Variants in PLIN4 observed in about 807,000 individuals in gnomAD.
PLIN4 encodes the protein perilipin-4.
A neutral mutation model predicts 52.4 loss-of-function variants in PLIN4; 57 were observed. That is an observed-to-expected ratio of 1.09 (90% CI 0.88 to 1.36). The LOEUF is 1.36. PLIN4 is among the 40% of genes most tolerant of loss of function. The pLI, the probability that PLIN4 is intolerant of heterozygous loss-of-function variation, is 0.00. For synonymous variants in PLIN4, 826 were observed against 785.4 expected (o/e 1.05, Z -0.86); for missense variants, 1,757 against 1,770.3 (o/e 0.99, Z 0.13).
chr19:4,517,839 G>T, intron 2 of PLIN4, 141 bp from the exon 3 acceptor site: 1 of 1,147,938 alleles, frequency 8.7e-7, no homozygotes, highest in Non-Finnish European at 1.2e-6. Flanking sequence ...CAGCCACTCA[G>T]CCTCAATTTC....
rs760610885 is a variant in PLIN4, at chr19:4,513,632, CCCCGGAGGA to C, written c.319_327del (p.Ser107_Gly109del). 1 of 1,609,204 alleles carries C rather than the reference CCCCGGAGGA, an allele frequency of 6.2e-7. No homozygotes were observed. The highest frequency in any genetic ancestry group is 1.7e-5 in the Admixed American group (1 of 59,388). Reference sequence around the variant, plus strand: ...TTAGCCACGTCCACCACGCTGGCCACCCCGGAGGACACGGCATCCTTGGCCCTGGACATC... The same window carrying C: ...TTAGCCACGTCCACCACGCTGGCCACCACGGCATCCTTGGCCCTGGACATC... On this transcript the variant is annotated inframe_deletion, in exon 5 of 8. Transcript: ENST00000301286.
intron 4 of PLIN4, among the ~76,000 whole-genome samples, chr19:4,516,371 C>T (rs544737374): frequency 3.8e-4 from 57 of 151,618 alleles, no homozygotes; most frequent in Non-Finnish European, 2.9e-4. Flanking sequence ...TGGAACCTTA[C>T]GTGATTAGAG....
intron 6 of PLIN4, among the ~76,000 whole-genome samples, chr19:4,507,257 G>C (rs978205686): frequency 2.0e-5 from 3 of 152,250 alleles, no homozygotes; most frequent in Non-Finnish European, 4.4e-5. Context: ...GCCGGGGTGG[G>C]ACTGCTGTCC....
chr19:4,509,562 G>A (rs1178959801), intron 5 of PLIN4, among the ~76,000 whole-genome samples: 2 of 151,960 alleles, frequency 1.3e-5, no homozygotes, highest in African/African-American at 2.4e-5. Context: ...AAGTGTGGAG[G>A]TTGCAGTGTG....
At chr19:4,510,422 C>G in intron 5 of PLIN4, 24 bp downstream of exon 5, 2 of 1,393,272 alleles carry the variant, frequency 1.4e-6, no homozygotes, top group Non-Finnish European at 1.9e-6. Flanking sequence ...CCTCAGGGAC[C>G]CATGAACCCA....
Position 4,509,188 on chromosome 19 carries a change from G to A in PLIN4, c.3515-233C>T, listed in dbSNP as rs372149916. Among the ~76,000 whole-genome samples the A allele has an allele frequency of 4.0e-5, 6 of 150,172 alleles. 1 individual carries two copies. The highest frequency in any genetic ancestry group is 1.2e-4 in the African/African-American group (5 of 40,822). On this transcript the variant is annotated intron_variant, in intron 5 of 7. Coordinates refer to ENST00000301286, the MANE Select transcript of PLIN4 (RefSeq NM_001367868.2). ...TAGCCGGGCGTGGTGGCGGGTGCCTGTAGTCCCAGCTACTCGGGAGGCTGA... is the reference window on the plus strand; with the variant it reads ...TAGCCGGGCGTGGTGGCGGGTGCCTATAGTCCCAGCTACTCGGGAGGCTGA...
At chr19:4,516,152 C>T (rs1976576419) in intron 4 of PLIN4, among the ~76,000 whole-genome samples, 2 of 152,162 alleles carry the variant, frequency 1.3e-5, no homozygotes, top group African/African-American at 4.8e-5. Context: ...TGGCGGTGAG[C>T]ACTTGTAGTC....
Position 4,513,549 on chromosome 19 carries a change from C to G in PLIN4, c.411G>C (p.Glu137Asp), listed in dbSNP as rs566277353. ...TTRSALTGTK[E>D]VVSSGVTGAM... is the part of the protein sequence containing the mutation. ...CCCCTGTGACCCCGCTGGACACCAC[C>G]TCCTTGGTGCCCGTAAGTGCAGACC... The change falls in exon 5 of 8, where the codon GAG becomes GAC. Residue 137 changes from glutamate to aspartate, a missense_variant. This residue lies in a region of PLIN4 where 332 missense variants were observed against 310.8 expected (regional missense o/e 1.07). Transcript: ENST00000301286. 47 of 1,607,636 alleles carry G rather than the reference C, an allele frequency of 2.9e-5. No homozygotes were observed. In the South Asian group the frequency reaches 5.2e-4, roughly 18 times the overall value.
chr19:4,512,125 GCGACATTCACTGCCC>G lies in PLIN4; in HGVS notation c.1820_1834del (p.Gly607_Val611del). 1.2e-6 allele frequency: 2 copies of G among 1,607,034 alleles called. No individual in the cohort carries two copies. The highest frequency in any genetic ancestry group is 1.7e-5 in the Admixed American group (1 of 59,024). On this transcript the variant is annotated inframe_deletion, in exon 5 of 8. Coordinates refer to ENST00000301286, the MANE Select transcript of PLIN4 (RefSeq NM_001367868.2). The stretch of plus-strand genomic sequence containing the variant: ...CATGCCTGTCTGGACGGTCCCTTTG[GCGACATTCACTGCCC>G]CCACGAGCCCAGTAGTCACTGTGTC...
rs1976460280 is a variant in PLIN4, at chr19:4,512,850, GAC to G, written c.1108_1109del (p.Val370LeufsTer129). On this transcript the variant is annotated frameshift_variant, in exon 5 of 8. Coordinates refer to ENST00000301286, the MANE Select transcript of PLIN4 (RefSeq NM_001367868.2). LOFTEE classifies it high-confidence loss of function. Reference sequence around the variant, plus strand: ...TCACGGCACCGGTCACCCCACTGCAGACAGTGTTCTTGGTGCCAGTTAGGACA... The same window carrying G: ...TCACGGCACCGGTCACCCCACTGCAGAGTGTTCTTGGTGCCAGTTAGGACA... Reference protein sequence around the residue: ...KTVLTGTKNTVCSGVTGAVNL... With the variant: ...KTVLTGTKNTXCSGVTGAVNL... The G allele has an allele frequency of 6.4e-7, 1 of 1,562,784 alleles. No individual in the cohort carries two copies. The highest frequency in any genetic ancestry group is 1.7e-5 in the Admixed American group (1 of 58,698).
rs1976503482 is a variant in PLIN4 at position 4,513,603 on chromosome 19, TC to T, written c.356del (p.Gly119GlufsTer62). On this transcript the variant is annotated frameshift_variant, in exon 5 of 8. Coordinates refer to ENST00000301286, the MANE Select transcript of PLIN4 (RefSeq NM_001367868.2). LOFTEE classifies it high-confidence loss of function. ...GVASVVDVAK[G>X]VVQGGLDTTR... Reference sequence around the variant, plus strand: ...TGGTGTCCAGGCCTCCCTGGACCACTCCCTTAGCCACGTCCACCACGCTGGC... The same window carrying T: ...TGGTGTCCAGGCCTCCCTGGACCACTCCTTAGCCACGTCCACCACGCTGGC... 1.2e-6 allele frequency: 2 copies of T among 1,606,504 alleles called. No individual in the cohort carries two copies. Among genetic ancestry groups the T allele is most frequent in the African/African-American group, 2.7e-5 (2 of 74,684 alleles).
chr19:4,504,953 G>A lies in PLIN4; in HGVS notation c.3703-6C>T, dbSNP rs1166026126. The A allele has an allele frequency of 6.3e-7, 1 of 1,598,248 alleles. No homozygotes were observed. Among genetic ancestry groups the A allele is most frequent in the Admixed American group, 1.7e-5 (1 of 57,814 alleles). On this transcript the variant is annotated splice_polypyrimidine_tract_variant and splice_region_variant and intron_variant, in intron 6 of 7. Coordinates refer to ENST00000301286, the MANE Select transcript of PLIN4 (RefSeq NM_001367868.2). ...GCCTGCTGGGCCTTTTCAATCTGGA[G>A]AGAGAGTACAGTGGGGAAATGATGG...
chr19:4,515,853 T>C lies in PLIN4; in HGVS notation c.258+764A>G, dbSNP rs73920833. On this transcript the variant is annotated intron_variant, in intron 4 of 7. Coordinates refer to ENST00000301286, the MANE Select transcript of PLIN4 (RefSeq NM_001367868.2). ...GCTCAGGTGGGCACCTTGGGCCCTG[T>C]AGTTGGAGAGACCCAGGTTCAAGTC... 3.0e-3 allele frequency among the ~76,000 whole-genome samples: 463 copies of C among 152,348 alleles called. 3 individuals are homozygous for C. The highest frequency in any genetic ancestry group is 0.01 in the African/African-American group (430 of 41,582).
Position 4,512,956 on chromosome 19 carries a change from T to A in PLIN4, c.1004A>T (p.Asp335Val). 1 of 711,144 alleles carries A rather than the reference T, an allele frequency of 1.4e-6. No individual in the cohort carries two copies. Among genetic ancestry groups the A allele is most frequent in the Non-Finnish European group, 2.4e-6 (1 of 410,712 alleles). 44.1% of individuals were successfully genotyped at this position (711,144 alleles called of 1,614,324 possible). The change falls in exon 5 of 8, where the codon GAC (aspartate) becomes GTC (valine). Residue 335 changes from aspartate (D) to valine (V), a missense_variant. By Grantham distance (152) the Asp-to-Val change is radical. This residue lies in a region of PLIN4 where 99 missense variants were observed against 143.4 expected (regional missense o/e 0.69). Coordinates refer to ENST00000301286, the MANE Select transcript of PLIN4 (RefSeq NM_001367868.2). The part of the protein sequence containing the change: ...TSKTVLTGTK[D>V]TVCSGVTGAM... The stretch of plus-strand genomic sequence containing the variant: ...ACCAGTCACCCCACTACAGACGGTG[T>A]CCTTGGTACCTGTTAGGACAGTCTT...
chr19:4,512,241 C>T lies in PLIN4; in HGVS notation c.1719G>A (p.Thr573=), dbSNP rs113773915. 1.2e-3 allele frequency: 1,895 copies of T among 1,609,300 alleles called. 62 individuals carry two copies. In the African/African-American group the frequency reaches 0.021, roughly 18 times the overall value. The part of the protein sequence containing the change: ...GTKDTMSTGL[T]GAANVAKGAV... ...CCCCCTTGGCCACATTCGCTGCCCC[C>T]GTGAGCCCAGTGGACATCGTGTCTT... is the stretch of plus-strand genomic sequence containing the variant. Residue 573 remains threonine, a synonymous_variant, in exon 5 of 8, where the codon ACG becomes ACA. Transcript: ENST00000301286.
At chr19:4,515,900 C>T (rs1400459480) in intron 4 of PLIN4, among the ~76,000 whole-genome samples, 2 of 152,248 alleles carry the variant, frequency 1.3e-5, no homozygotes, top group African/African-American at 4.8e-5. Context: ...CCCTCTCCTG[C>T]TCCCGACACT....
intron 3 of PLIN4, among the ~76,000 whole-genome samples, chr19:4,516,969 C>G (rs1237454648): frequency 6.6e-6 from 1 of 152,210 alleles, no homozygotes; most frequent in East Asian, 1.9e-4. Flanking sequence ...TATAGCCTGG[C>G]ATGGGGGAAC....
intron 6 of PLIN4, among the ~76,000 whole-genome samples, chr19:4,505,720 C>T (rs1976072660): frequency 1.3e-5 from 2 of 152,104 alleles, no homozygotes; most frequent in Non-Finnish European, 2.9e-5. Context: ...GTCAAAATAT[C>T]GACTCCAGAC....
chr19:4,515,468 C>T (rs536967560), intron 4 of PLIN4, among the ~76,000 whole-genome samples: 10 of 152,106 alleles, frequency 6.6e-5, no homozygotes, highest in African/African-American at 2.4e-4. Context: ...GAGGTTTCAC[C>T]ATGTTGGCCA....
Sources: allele counts gnomAD v4.1 joint callset (sites outside exome capture counted in the v4.1 genomes callset), GRCh38; gene constraint gnomAD v4.1.1; regional missense constraint gnomAD v4.1.1; transcripts MANE v1.5; gene names NCBI Gene and HGNC (gene_info 2026-07-23, HGNC 2026-07-21).